Variants in SDK2 observed in about 807,000 individuals in gnomAD.
SDK2 encodes the protein protein sidekick-2.
Under a neutral mutation model 253.9 loss-of-function variants are expected in SDK2, and 105 were observed. That is an observed-to-expected ratio of 0.41 (90% CI 0.35 to 0.49). SDK2 has a LOEUF of 0.49. Among genes scored for constraint, SDK2 ranks in the 20% least tolerant of loss-of-function variants. SDK2 has a pLI of 0.06. For synonymous variants in SDK2, 1,249 were observed against 1,234.9 expected (o/e 1.01, Z -0.24); for missense variants, 2,608 against 3,003.0 (o/e 0.87, Z 3.07).
intron 37 of SDK2, 76 bp from the exon 38 acceptor site, chr17:73,365,471 T>C (rs558484448): frequency 4.1e-6 from 6 of 1,448,966 alleles, no homozygotes; most frequent in African/African-American, 2.9e-5. Context: ...TCCAAGGAGC[T>C]AGCGGGAGTA....
At chr17:73,604,611 A>G (rs573847879) in intron 1 of SDK2, among the ~76,000 whole-genome samples, 234 of 152,342 alleles carry the variant, frequency 1.5e-3, no homozygotes, top group African/African-American at 5.5e-3. Flanking sequence ...GCAACAGTCC[A>G]GGAGACCTTG....
chr17:73,606,523 C>T (rs1432872085), intron 1 of SDK2, among the ~76,000 whole-genome samples: 1 of 152,226 alleles, frequency 6.6e-6, no homozygotes, highest in East Asian at 1.9e-4. Flanking sequence ...CCCGCACCAT[C>T]TGTAACCCTT....
At chr17:73,378,273 A>AT (rs983008658) in intron 36 of SDK2, among the ~76,000 whole-genome samples, 24 of 150,334 alleles carry the variant, frequency 1.6e-4, no homozygotes, top group Middle Eastern at 6.9e-3. Flanking sequence ...TAATTTCTGT[A>AT]TTTTTTTTTG....
intron 1 of SDK2, among the ~76,000 whole-genome samples, chr17:73,549,264 G>T (rs1390128949): frequency 1.3e-5 from 2 of 152,224 alleles, no homozygotes; most frequent in Non-Finnish European, 1.5e-5. Context: ...CCTCCTCCTG[G>T]CAGCCCTCCT....
At chr17:73,493,818 A>G (rs986128553) in intron 2 of SDK2, among the ~76,000 whole-genome samples, 2 of 152,246 alleles carry the variant, frequency 1.3e-5, no homozygotes, top group Non-Finnish European at 2.9e-5. Flanking sequence ...ATGGGCACAC[A>G]GGGTGCTTTT....
chr17:73,373,108 C>T (rs748627946), intron 36 of SDK2, among the ~76,000 whole-genome samples: 5 of 152,152 alleles, frequency 3.3e-5, no homozygotes, highest in African/African-American at 1.2e-4. Context: ...CACATATACG[C>T]GAGGTCATGC....
At chr17:73,523,778 C>G (rs57160458) in intron 1 of SDK2, among the ~76,000 whole-genome samples, 18,770 of 151,518 alleles carry the variant, frequency 0.12, 1,508 homozygotes, top group Middle Eastern at 0.2. Context: ...CCTGCACCCC[C>G]CAAATAACAG....
intron 1 of SDK2, among the ~76,000 whole-genome samples, chr17:73,581,003 C>A (rs545681523): frequency 6.6e-6 from 1 of 152,076 alleles, no homozygotes; most frequent in Non-Finnish European, 1.5e-5. Context: ...AGTGTCTCAG[C>A]CTTCCAAGTC....
At chr17:73,464,267 G>C (rs1438193848) in intron 3 of SDK2, among the ~76,000 whole-genome samples, 3 of 152,134 alleles carry the variant, frequency 2.0e-5, no homozygotes, top group Non-Finnish European at 2.9e-5. Context: ...GAATCATGGG[G>C]GTGGTTCCCC....
chr17:73,442,497 C>T (rs771620449), intron 5 of SDK2, among the ~76,000 whole-genome samples: 1 of 152,142 alleles, frequency 6.6e-6, no homozygotes, highest in South Asian at 2.1e-4. Flanking sequence ...GCCACCACCA[C>T]GTCCGGCTAA....
chr17:73,536,035 C>G (rs774385098), intron 1 of SDK2, among the ~76,000 whole-genome samples: 1 of 152,198 alleles, frequency 6.6e-6, no homozygotes, highest in Non-Finnish European at 1.5e-5. Context: ...GCTGGTTCCA[C>G]GTGCTTTGCC....
At chr17:73,501,066 G>A (rs560076775) in intron 2 of SDK2, among the ~76,000 whole-genome samples, 1 of 152,198 alleles carries the variant, frequency 6.6e-6, no homozygotes, top group Non-Finnish European at 1.5e-5. Context: ...GGAGCTGAGA[G>A]CGGTCAGATG....
rs1599640764 is a variant in SDK2, at chr17:73,516,671, C to A, written c.65-9074G>T. On this transcript the variant is annotated intron_variant, in intron 1 of 44. Coordinates refer to ENST00000392650, the MANE Select transcript of SDK2 (RefSeq NM_001144952.2). ...GCGCTTCATTAGCCGGGAAAGAAGA[C>A]TCTTGCCCTCCTTCGTCTAATCCTC... 3 of 152,292 alleles carry A rather than the reference C, an allele frequency of 2.0e-5. No homozygotes were observed. In the East Asian group the frequency reaches 5.8e-4, roughly 29 times the overall value. 9.4% of individuals were successfully genotyped at this position (152,292 alleles called of 1,614,324 possible). A position where few individuals can be genotyped will look rare whatever the true frequency, so the allele number is the denominator to read the frequency against.
At chr17:73,432,020 C>G (rs1166648230) in intron 10 of SDK2, among the ~76,000 whole-genome samples, 1 of 152,070 alleles carries the variant, frequency 6.6e-6, no homozygotes, top group African/African-American at 2.4e-5. Flanking sequence ...AGCTGGCACC[C>G]GGGTTGGGGG....
chr17:73,339,229 G>T (rs9896383), intron 44 of SDK2, among the ~76,000 whole-genome samples: 48,943 of 135,984 alleles, frequency 0.36, 9,716 homozygotes, highest in Non-Finnish European at 0.46. Flanking sequence ...TTTTGTTTTT[G>T]TTTTTGTTTT....
intron 15 of SDK2, among the ~76,000 whole-genome samples, chr17:73,421,573 C>CT (rs36068491): frequency 0.62 from 55,987 of 90,856 alleles, 19,604 homozygotes; most frequent in Non-Finnish European, 0.74. Flanking sequence ...CAATTTCCAT[C>CT]TTTTTTTTTT....
intron 1 of SDK2, among the ~76,000 whole-genome samples, chr17:73,557,306 AT>A (rs11288025): frequency 0.48 from 69,925 of 146,104 alleles, 16,540 homozygotes; most frequent in African/African-American, 0.58. Context: ...GTACCTCGAG[AT>A]TTTTTTTTTT....
intron 7 of SDK2, 57 bp downstream of exon 7, chr17:73,437,907 C>G: frequency 6.3e-7 from 1 of 1,593,696 alleles, no homozygotes; most frequent in Non-Finnish European, 8.6e-7. Context: ...TAAGGAGGAC[C>G]CTCGCCGTGC....
intron 1 of SDK2, among the ~76,000 whole-genome samples, chr17:73,621,518 C>T (rs1381254648): frequency 6.6e-6 from 1 of 152,032 alleles, no homozygotes; most frequent in Non-Finnish European, 1.5e-5. Flanking sequence ...TAATATATTT[C>T]ATGCAATAAA....
Sources: gnomAD v4.1 joint callset for allele counts (sites outside exome capture counted in the v4.1 genomes callset) on GRCh38, gnomAD v4.1.1 for gene constraint, MANE v1.5 for transcripts, NCBI Gene and HGNC (gene_info 2026-07-23, HGNC 2026-07-21) for gene names.